ZNF106: variants seen among roughly 807,000 people sequenced by gnomAD.
ZNF106 encodes zinc finger protein 106, also known as SH3-domain binding protein 3.
Under a neutral mutation model 195.1 loss-of-function variants are expected in ZNF106, and 67 were observed. That is an observed-to-expected ratio of 0.34 (90% CI 0.28 to 0.42). The LOEUF (loss-of-function observed/expected upper bound fraction) is 0.42, where lower values mean the gene tolerates loss of function less well. Ranked by LOEUF, ZNF106 falls within the 10% of genes least tolerant of loss-of-function variation. ZNF106 has a pLI of 1.00. For missense variants in ZNF106, 2,118 were observed against 2,304.5 expected (o/e 0.92, Z 1.66); for synonymous variants, 784 against 818.6 (o/e 0.96, Z 0.72).
chr15:42,474,897 G>A (rs1297903151), intron 1 of ZNF106, among the ~76,000 whole-genome samples: 1 of 152,170 alleles, frequency 6.6e-6, no homozygotes, highest in Non-Finnish European at 1.5e-5. Context: ...TACTCCCCAA[G>A]CAGCATTGTT....
rs768362180 is a variant in ZNF106, at chr15:42,439,392, A to G, written c.4185T>C (p.Thr1395=). Residue 1395 remains threonine, a synonymous_variant, in exon 11 of 22, where the codon ACT becomes ACC. Transcript: ENST00000564754. ...RAAHVPENSD[T]EQDVLTVKPV... is the part of the protein sequence containing the mutation. ...GTTTAACAGTCAAAACATCCTGTTCAGTGTCACTATTCTCAGGAACATGGG... is the reference window on the plus strand; with the variant it reads ...GTTTAACAGTCAAAACATCCTGTTCGGTGTCACTATTCTCAGGAACATGGG... 3 of 1,613,984 alleles carry G rather than the reference A, an allele frequency of 1.9e-6. No individual in the cohort carries two copies. The highest frequency in any genetic ancestry group is 2.5e-6 in the Non-Finnish European group (3 of 1,180,042).
chr15:42,468,939 C>A (rs2056597082), intron 2 of ZNF106, among the ~76,000 whole-genome samples: 1 of 151,928 alleles, frequency 6.6e-6, no homozygotes, highest in Admixed American at 6.6e-5. Flanking sequence ...ATAATCCCAG[C>A]ACTTTGGGAG....
chr15:42,441,018 T>A lies in ZNF106; in HGVS notation c.3763+1055A>T, dbSNP rs1428280573. 0.012 allele frequency among the ~76,000 whole-genome samples: 389 copies of A among 33,526 alleles called. 65 individuals carry two copies. In the African/African-American group the frequency reaches 0.12, roughly 10 times the overall value. The allele number at this position is 33,526 out of a possible 152,430, so 22.0% of individuals were successfully genotyped here. A position where few individuals can be genotyped will look rare whatever the true frequency, so the allele number is the denominator to read the frequency against. ...AAAAAAATATATATATATATATATA[T>A]ATATATATATATATATATATATATA... On this transcript the variant is annotated intron_variant, in intron 10 of 21. Transcript: ENST00000564754.
At chr15:42,460,504 C>A (rs1296949831) in intron 3 of ZNF106, among the ~76,000 whole-genome samples, 8 of 152,124 alleles carry the variant, frequency 5.3e-5, no homozygotes, top group Admixed American at 5.2e-4. Context: ...AACCATAGTT[C>A]CAAAATTATT....
chr15:42,424,010 A>G lies in ZNF106; in HGVS notation c.5241T>C (p.Ala1747=), dbSNP rs2141266673. Residue 1747 remains alanine (A), a synonymous_variant, in exon 17 of 22, where the codon GCT becomes GCC. Coordinates refer to ENST00000564754, the MANE Select transcript of ZNF106 (RefSeq NM_001366845.3). ...FSGSSDQSVH[A]HNIHTGELVR... is the part of the protein sequence containing the mutation. Reference sequence around the variant, plus strand: ...CAACACAGCTTACGTGAATGTTGTGAGCATGGACTGACTGATCACTGGAGC... The same window carrying G: ...CAACACAGCTTACGTGAATGTTGTGGGCATGGACTGACTGATCACTGGAGC... The G allele has an allele frequency of 6.2e-7, 1 of 1,612,514 alleles. No homozygotes were observed.
At chr15:42,434,347 A>AC (rs1439986504) in intron 14 of ZNF106, among the ~76,000 whole-genome samples, 6 of 152,180 alleles carry the variant, frequency 3.9e-5, no homozygotes, top group African/African-American at 1.4e-4. Context: ...AAACAAACAA[A>AC]AAAAACACCT....
intron 21 of ZNF106, among the ~76,000 whole-genome samples, 171 bp downstream of exon 21, chr15:42,417,634 A>T (rs1054662786): frequency 1.3e-5 from 2 of 152,190 alleles, no homozygotes; most frequent in African/African-American, 4.8e-5. Flanking sequence ...AAATGACCTA[A>T]TTCTTCATTT....
At chr15:42,431,893 C>T (rs1186128993) in intron 14 of ZNF106, among the ~76,000 whole-genome samples, 1 of 152,156 alleles carries the variant, frequency 6.6e-6, no homozygotes, top group Non-Finnish European at 1.5e-5. Flanking sequence ...GGATTACAGG[C>T]ATGAGCCACC....
intron 1 of ZNF106, among the ~76,000 whole-genome samples, chr15:42,482,438 G>GC: frequency 7.2e-6 from 1 of 139,704 alleles, no homozygotes. Context: ...ATTGACTTTT[G>GC]TTTTTTTACT....
chr15:42,452,539 T>C (rs1013347990), intron 4 of ZNF106, among the ~76,000 whole-genome samples: 2 of 151,952 alleles, frequency 1.3e-5, no homozygotes, highest in African/African-American at 2.4e-5. Context: ...AAACAAAAAT[T>C]TGGCACATTT....
intron 2 of ZNF106, among the ~76,000 whole-genome samples, chr15:42,467,177 T>TA (rs1488814649): frequency 6.6e-6 from 1 of 152,010 alleles, no homozygotes; most frequent in Non-Finnish European, 1.5e-5. Flanking sequence ...CACATACACA[T>TA]ACACAAAACT....
At chr15:42,427,941 C>T (rs2054912898) in intron 15 of ZNF106, 77 bp downstream of exon 15, 5 of 1,232,232 alleles carry the variant, frequency 4.1e-6, no homozygotes, top group Non-Finnish European at 5.9e-6. Context: ...AAATCCCTGC[C>T]TGCTACTTCT....
In ZNF106 at chr15:42,439,110, T is replaced by C; in HGVS notation, c.4467A>G (p.Glu1489=). Residue 1489 remains glutamate, a synonymous_variant, in exon 11 of 22, where the codon GAA becomes GAG. Transcript: ENST00000564754. ...IWNSTEQNPL[E]TSRSGCDEVS... is the part of the protein sequence containing the mutation. ...CTTCATCACACCCAGAACGAGACGT[T>C]TCTAGTGGGTTTTGCTCTGTAGAGT... 6.2e-7 allele frequency: 1 copy of C among 1,614,176 alleles called. No homozygotes were observed. Among genetic ancestry groups the C allele is most frequent in the Non-Finnish European group, 8.5e-7 (1 of 1,180,022 alleles).
rs1466582785 is a variant in ZNF106, at chr15:42,417,330, CA to C, written c.5694del (p.Glu1899LysfsTer21). On this transcript the variant is annotated frameshift_variant, in exon 22 of 22. Coordinates refer to ENST00000564754, the MANE Select transcript of ZNF106 (RefSeq NM_001366845.3). LOFTEE classifies it high-confidence loss of function. ...CATGAATCAATTTTGCTGTCATCTT[CA>C]GCATGTCGTTCAATATGTCCTGCAG... The part of the protein sequence containing the change: ...QDAAGHIERH[A>X]EDDSKIDS 3.1e-6 allele frequency: 5 copies of C among 1,614,072 alleles called. No individual in the cohort carries two copies. The highest frequency in any genetic ancestry group is 4.2e-6 in the Non-Finnish European group (5 of 1,180,002).
rs1198430602 is a variant in ZNF106 at position 42,450,978 on chromosome 15, T to C, written c.1294A>G (p.Ile432Val). Residue 432 changes from isoleucine to valine, a missense_variant, in exon 5 of 22, where the codon ATA becomes GTA. Transcript: ENST00000564754. ...NSPTQKTQKEIHTGSLNHKAS... is the reference protein window; with the variant it reads ...NSPTQKTQKEVHTGSLNHKAS... ...TTGTGATTAAGAGATCCAGTATGTA[T>C]TTCTTTTTGTGTTTTCTGTGTTGGG... The C allele has an allele frequency of 1.9e-6, 3 of 1,614,162 alleles. No homozygotes were observed. Among genetic ancestry groups the C allele is most frequent in the Admixed American group, 1.7e-5 (1 of 60,014 alleles).
At chr15:42,422,070 G>T in intron 18 of ZNF106, 82 bp from the exon 19 acceptor site, 1 of 1,234,920 alleles carries the variant, frequency 8.1e-7, no homozygotes, top group African/African-American at 1.5e-5. Context: ...CCTTTGGCAG[G>T]TTTAAAACCA....
chr15:42,490,811 A>G (rs1440944852), intron 1 of ZNF106, among the ~76,000 whole-genome samples, 169 bp downstream of exon 1: 1 of 152,038 alleles, frequency 6.6e-6, no homozygotes, highest in African/African-American at 2.4e-5. Flanking sequence ...GCCTGCCCAT[A>G]AACCCGCGCC....
chr15:42,425,864 C>T (rs1393140244), intron 15 of ZNF106: 1 of 152,182 alleles, frequency 6.6e-6, no homozygotes, highest in Non-Finnish European at 1.5e-5. Flanking sequence ...ATTTAGTAGA[C>T]TATAGAAGCC....
chr15:42,436,103 G>A (rs1185861945), intron 13 of ZNF106, among the ~76,000 whole-genome samples: 1 of 151,860 alleles, frequency 6.6e-6, no homozygotes, highest in East Asian at 1.9e-4. Context: ...ACAGGTGCCC[G>A]CCACCACCCC....
Sources: gnomAD v4.1 joint callset for allele counts (sites outside exome capture counted in the v4.1 genomes callset) on GRCh38, gnomAD v4.1.1 for gene constraint, MANE v1.5 for transcripts, NCBI Gene and HGNC (gene_info 2026-07-23, HGNC 2026-07-21) for gene names.